The following NOSIP variants were observed in gnomAD, a reference collection of about 807,000 sequenced individuals.
NOSIP encodes the protein nitric oxide synthase-interacting protein.
In NOSIP, 25 loss-of-function variants were observed where a neutral mutation model predicts 36.4. The ratio of observed to expected loss-of-function variants is 0.69; its 90% CI spans 0.50 to 0.96. The LOEUF is 0.96. Ranked by LOEUF, NOSIP falls within the 40% of genes least tolerant of loss-of-function variation. The probability of loss-of-function intolerance (pLI) is 0.00; values close to 1 mark genes in which losing one functional copy is unlikely to be tolerated. For synonymous variants in NOSIP, 187 were observed against 179.2 expected (o/e 1.04, Z -0.35); for missense variants, 370 against 429.0 (o/e 0.86, Z 1.21).
At chr19:49,568,673 C>T (rs1045237345) in intron 1 of NOSIP, among the ~76,000 whole-genome samples, 2 of 151,656 alleles carry the variant, frequency 1.3e-5, no homozygotes, top group African/African-American at 2.4e-5. Flanking sequence ...GGCTGGGTGC[C>T]GTGGCTCATG....
intron 4 of NOSIP, chr19:49,557,791 T>G (rs1353677164): frequency 1.0e-6 from 1 of 988,496 alleles, no homozygotes; most frequent in African/African-American, 1.7e-5. Context: ...CAGCCCTGCC[T>G]GGCGCACAGC....
chr19:49,564,604 ACAAC>A, intron 1 of NOSIP, among the ~76,000 whole-genome samples: 1 of 152,214 alleles, frequency 6.6e-6, no homozygotes, highest in Non-Finnish European at 1.5e-5. Flanking sequence ...GCAGACCAGC[ACAAC>A]CACTTTGGAA....
At chr19:49,579,513 C>A (rs2080597466) in intron 1 of NOSIP, among the ~76,000 whole-genome samples, 1 of 152,200 alleles carries the variant, frequency 6.6e-6, no homozygotes, top group Admixed American at 6.6e-5. Context: ...TCTACTTTAA[C>A]CTTTAACTTA....
chr19:49,560,678 C>T lies in NOSIP; in HGVS notation c.14G>A (p.Gly5Asp), dbSNP rs1408151536. The T allele has an allele frequency of 1.3e-6, 2 of 1,593,892 alleles. No homozygotes were observed. Among genetic ancestry groups the T allele is most frequent in the Admixed American group, 1.7e-5 (1 of 57,254 alleles). The change falls in exon 2 of 9, where the codon GGC becomes GAC. Residue 5 changes from glycine to aspartate, a missense_variant. By Grantham distance (94) the Gly-to-Asp change is moderately conservative (BLOSUM62 -1). Around this residue, in one of 3 missense-constraint regions of NOSIP, gnomAD observed 37 missense variants for 60.2 expected, o/e 0.61. Coordinates refer to ENST00000596358, the MANE Select transcript of NOSIP (RefSeq NM_001270960.2). This position sits in a 1 kb window ranked among gnomAD's most constrained non-coding sequence, Gnocchi z 4.6. ...GACGGCCCCTGCGGTGCAGTTCTTG[C>T]CATGCCGCGTCATCCTAGGGAGGAA... MTRH[G>D]KNCTAGAVYT...
intron 1 of NOSIP, among the ~76,000 whole-genome samples, chr19:49,573,794 G>T (rs1055264070): frequency 1.6e-5 from 2 of 125,616 alleles, no homozygotes; most frequent in Non-Finnish European, 3.7e-5. Context: ...TTTATTTTAT[G>T]TATGTATGTA....
At chr19:49,556,026 G>T (rs535410051) in intron 8 of NOSIP, among the ~76,000 whole-genome samples, 1 of 147,978 alleles carries the variant, frequency 6.8e-6, no homozygotes, top group African/African-American at 2.5e-5. Context: ...AGAGTGGCAG[G>T]GGAGGAGCCT....
At chr19:49,571,997 A>AC (rs1232075567) in intron 1 of NOSIP, among the ~76,000 whole-genome samples, 1 of 151,656 alleles carries the variant, frequency 6.6e-6, no homozygotes, top group East Asian at 1.9e-4. Context: ...AAAAAAAAAA[A>AC]AAAAAAGCCA....
At chr19:49,557,793 G>C (rs553374373) in intron 4 of NOSIP, 1 of 988,566 alleles carries the variant, frequency 1.0e-6, no homozygotes, top group East Asian at 1.1e-4. Flanking sequence ...GCCCTGCCTG[G>C]CGCACAGCAG....
chr19:49,559,649 G>T, intron 3 of NOSIP: 2 of 445,148 alleles, frequency 4.5e-6, no homozygotes, highest in South Asian at 4.5e-5. Context: ...ACCATCAGAG[G>T]TAGGTCATGG....
intron 3 of NOSIP, 81 bp from the exon 4 acceptor site, chr19:49,559,059 A>T: frequency 9.0e-7 from 1 of 1,112,068 alleles, no homozygotes. Flanking sequence ...TTATAGGCAG[A>T]AGTCATCATG....
chr19:49,562,413 T>C (rs2080348281), intron 1 of NOSIP, among the ~76,000 whole-genome samples: 3 of 151,028 alleles, frequency 2.0e-5, no homozygotes, highest in Admixed American at 1.3e-4. Flanking sequence ...CGTGAGTCAC[T>C]GTGCCTGGCC....
intron 1 of NOSIP, among the ~76,000 whole-genome samples, chr19:49,578,130 CT>C (rs890433337): frequency 7.8e-4 from 113 of 145,686 alleles, no homozygotes; most frequent in Admixed American, 5.5e-4. Flanking sequence ...CCCACTAATG[CT>C]TTTTTTTTTT....
chr19:49,574,201 A>G, intron 1 of NOSIP, among the ~76,000 whole-genome samples: 1 of 152,082 alleles, frequency 6.6e-6, no homozygotes, highest in East Asian at 1.9e-4. Flanking sequence ...GCTTGGAGAA[A>G]TTGGCCTCTT....
chr19:49,572,698 G>A (rs2080501450), intron 1 of NOSIP, among the ~76,000 whole-genome samples: 2 of 151,944 alleles, frequency 1.3e-5, no homozygotes, highest in Admixed American at 1.3e-4. Flanking sequence ...ATATGGCTGG[G>A]AGCAGTGGCT....
chr19:49,566,267 A>T (rs1446618112), intron 1 of NOSIP, among the ~76,000 whole-genome samples: 1 of 151,904 alleles, frequency 6.6e-6, no homozygotes, highest in African/African-American at 2.4e-5. Context: ...TGATCCGCCC[A>T]CCTCGGCTTC....
intron 1 of NOSIP, among the ~76,000 whole-genome samples, chr19:49,564,321 G>C (rs1187915784): frequency 6.6e-6 from 1 of 151,900 alleles, no homozygotes; most frequent in Non-Finnish European, 1.5e-5. Context: ...GGTCGTGGTG[G>C]TGTGCGCCTG....
At chr19:49,556,827 ACCCTGGCG>A (rs779180325) in intron 6 of NOSIP, 40 bp downstream of exon 6, 111 of 1,595,394 alleles carry the variant, frequency 7.0e-5, no homozygotes, top group Non-Finnish European at 8.9e-5. Flanking sequence ...ACGGTGGGGA[ACCCTGGCG>A]CCCTGGCACC....
intron 1 of NOSIP, among the ~76,000 whole-genome samples, chr19:49,563,618 T>C (rs1406176133): frequency 6.6e-6 from 1 of 151,914 alleles, no homozygotes; most frequent in African/African-American, 2.4e-5. Flanking sequence ...CTCAGCCTCC[T>C]AAGTAGCTGG....
chr19:49,576,884 CAAAAAAA>C (rs58441193), intron 1 of NOSIP, among the ~76,000 whole-genome samples: 4 of 47,390 alleles, frequency 8.4e-5, no homozygotes, highest in South Asian at 1.6e-3. Context: ...AACTCTGTCT[CAAAAAAA>C]AAAAAAAAAA....
Sources: allele counts gnomAD v4.1 joint callset (sites outside exome capture counted in the v4.1 genomes callset), GRCh38; gene constraint gnomAD v4.1.1; regional missense constraint gnomAD v4.1.1; non-coding constraint Gnocchi (gnomAD v3.1); transcripts MANE v1.5; gene names NCBI Gene and HGNC (gene_info 2026-07-23, HGNC 2026-07-21).